Variants in GALNT12 observed in about 807,000 individuals in gnomAD.
GALNT12 encodes polypeptide N-acetylgalactosaminyltransferase 12.
GALNT12 carries 45 observed loss-of-function variants against 55.5 expected under a neutral mutation model. The observed-to-expected ratio is 0.81, with a 90% CI of 0.64 to 1.04. GALNT12 has a LOEUF of 1.04. Among genes scored for constraint, GALNT12 ranks in the 50% least tolerant of loss-of-function variants. The pLI is 0.00. For missense variants in GALNT12, 709 were observed against 754.8 expected (o/e 0.94, Z 0.71); for synonymous variants, 304 against 312.2 (o/e 0.97, Z 0.28).
At chr9:98,834,321 A>G (rs981102381) in intron 4 of GALNT12, among the ~76,000 whole-genome samples, 1 of 152,064 alleles carries the variant, frequency 6.6e-6, no homozygotes, top group African/African-American at 2.4e-5. Context: ...GGTTTTCGCC[A>G]TATTAACCAG....
chr9:98,808,095 G>A, intron 1 of GALNT12, 26 bp downstream of exon 1: 1 of 1,540,794 alleles, frequency 6.5e-7, no homozygotes. Context: ...TGGGGAGGAA[G>A]CCCGCCCTCA....
intron 1 of GALNT12, among the ~76,000 whole-genome samples, chr9:98,811,496 A>G (rs1056156042): frequency 2.0e-5 from 3 of 152,134 alleles, no homozygotes; most frequent in African/African-American, 7.2e-5. Flanking sequence ...GGAATCCCAT[A>G]TGTGTGAACA....
At chr9:98,821,255 C>T (rs7846846) in intron 1 of GALNT12, among the ~76,000 whole-genome samples, 141,573 of 151,968 alleles carry the variant, frequency 0.93, 66,226 homozygotes, top group Non-Finnish European at 0.97. Context: ...AGTGATCTGC[C>T]GGCCTCAGCC....
rs768255136 is a variant in GALNT12 at position 98,823,388 on chromosome 9, A to G, written c.504A>G (p.Leu168=). Residue 168 remains leucine (L), a synonymous_variant, in exon 2 of 10, where the codon CTA becomes CTG. Transcript: ENST00000375011. ...SVLETSPDIL[L]EEVILVDDYS... Reference sequence around the variant, plus strand: ...TTGAGACATCCCCGGATATCCTGCTAGAAGAAGTGATCCTTGTAGATGACT... The same window carrying G: ...TTGAGACATCCCCGGATATCCTGCTGGAAGAAGTGATCCTTGTAGATGACT... 12 of 1,614,030 alleles carry G rather than the reference A, an allele frequency of 7.4e-6. No homozygotes were observed. The African/African-American group carries it at 1.3e-4, about 18-fold the overall frequency.
Position 98,807,980 on chromosome 9 carries a change from G to A in GALNT12, c.282G>A (p.Gln94=), listed in dbSNP as rs1276325193. The A allele has an allele frequency of 6.6e-7, 1 of 1,515,972 alleles. No individual in the cohort carries two copies. Among genetic ancestry groups the A allele is most frequent in the Non-Finnish European group, 8.8e-7 (1 of 1,133,880 alleles). The allele number at this position is 1,515,972 out of a possible 1,614,324, so 93.9% of individuals were successfully genotyped here. The change falls in exon 1 of 10, where the codon CAG becomes CAA. Residue 94 remains glutamine, a synonymous_variant. Transcript: ENST00000375011. ...TGCAGGGCGAGGAGCTGCGGCTGCA[G>A]GAGGAGAGCGTGCGGCTGCACCAGA... ...LQLQGEELRL[Q]EESVRLHQIN... is the part of the protein sequence containing the mutation.
In GALNT12 at chr9:98,831,770, A is replaced by G. The variant is rs1588449802; in HGVS notation, c.732-2A>G. ...ACGGATGGATGTCTTGGGTGCTTTC[A>G]GGATCCATGAAGAGGAGTCGGCAGT... On this transcript the variant is annotated splice_acceptor_variant, in intron 3 of 9. Coordinates refer to ENST00000375011, the MANE Select transcript of GALNT12 (RefSeq NM_024642.5). LOFTEE classifies it high-confidence loss of function. 8 of 1,614,176 alleles carry G rather than the reference A, an allele frequency of 5.0e-6. No individual in the cohort carries two copies. The highest frequency in any genetic ancestry group is 1.3e-5 in the African/African-American group (1 of 75,038).
chr9:98,842,272 C>G (rs2118482969), intron 7 of GALNT12, among the ~76,000 whole-genome samples: 1 of 152,236 alleles, frequency 6.6e-6, no homozygotes, highest in South Asian at 2.1e-4. Context: ...TAGCCTGGAT[C>G]ACTGGGCTCA....
chr9:98,822,055 A>G (rs1835754721), intron 1 of GALNT12, among the ~76,000 whole-genome samples: 1 of 152,208 alleles, frequency 6.6e-6, no homozygotes, highest in South Asian at 2.1e-4. Context: ...TATGGTAGAC[A>G]GCAGATGTCA....
chr9:98,847,805 C>G (rs1402160273), intron 9 of GALNT12, among the ~76,000 whole-genome samples: 1 of 145,344 alleles, frequency 6.9e-6, no homozygotes, highest in African/African-American at 2.6e-5. Context: ...GTTCTTAGGG[C>G]TGGATCTTTT....
intron 1 of GALNT12, among the ~76,000 whole-genome samples, chr9:98,809,230 C>G (rs1320564339): frequency 6.6e-6 from 1 of 152,336 alleles, no homozygotes; most frequent in Non-Finnish European, 1.5e-5. Context: ...CCACCTCTGC[C>G]CCACTGTTTC....
chr9:98,814,411 AAAG>A (rs1407947348), intron 1 of GALNT12, among the ~76,000 whole-genome samples: 87 of 152,190 alleles, frequency 5.7e-4, no homozygotes, highest in African/African-American at 2.0e-3. Flanking sequence ...TATAAAGATA[AAAG>A]AAGATCAGGA....
intron 1 of GALNT12, among the ~76,000 whole-genome samples, chr9:98,817,016 C>G (rs1026413638): frequency 6.6e-6 from 1 of 151,946 alleles, no homozygotes; most frequent in Non-Finnish European, 1.5e-5. Flanking sequence ...TTAGTAGAGA[C>G]GGGGTTTCAC....
intron 6 of GALNT12, among the ~76,000 whole-genome samples, chr9:98,839,082 CTT>C (rs1435794868): frequency 2.0e-5 from 3 of 152,182 alleles, no homozygotes; most frequent in Non-Finnish European, 4.4e-5. Flanking sequence ...AACACCCACT[CTT>C]TCCTCATGCA....
chr9:98,834,817 T>C (rs910715554), intron 4 of GALNT12, among the ~76,000 whole-genome samples: 10 of 152,218 alleles, frequency 6.6e-5, no homozygotes, highest in Admixed American at 2.0e-4. Context: ...TTGCTCTCTA[T>C]GCTTCTAAAT....
chr9:98,844,188 T>G lies in GALNT12; in HGVS notation c.1437T>G (p.Cys479Trp). 1.2e-6 allele frequency: 2 copies of G among 1,611,790 alleles called. No individual in the cohort carries two copies. Among genetic ancestry groups the G allele is most frequent in the Non-Finnish European group, 1.7e-6 (2 of 1,177,810 alleles). ...GACACCAGGTCATTCTGTACCTCTGTCATGGGATGGGCCAGAATCAGGTAG... is the reference window on the plus strand; with the variant it reads ...GACACCAGGTCATTCTGTACCTCTGGCATGGGATGGGCCAGAATCAGGTAG... ...IVGHQVILYL[C>W]HGMGQNQFFE... The change falls in exon 8 of 10, where the codon TGT (cysteine) becomes TGG (tryptophan). Residue 479 changes from cysteine (C) to tryptophan (W), a missense_variant. Cys to Trp is a radical substitution (Grantham distance 215). Around this residue, in one of 5 missense-constraint regions of GALNT12, gnomAD observed 262 missense variants for 310.7 expected, o/e 0.84. Transcript: ENST00000375011.
intron 1 of GALNT12, among the ~76,000 whole-genome samples, chr9:98,814,808 T>C (rs2118299259): frequency 6.6e-6 from 1 of 152,336 alleles, no homozygotes; most frequent in Middle Eastern, 3.4e-3. Flanking sequence ...AGTAGGGTTG[T>C]TAGGAAGGCT....
At chr9:98,829,988 G>A (rs1047505873) in intron 3 of GALNT12, among the ~76,000 whole-genome samples, 17 of 152,180 alleles carry the variant, frequency 1.1e-4, no homozygotes, top group African/African-American at 3.9e-4. Flanking sequence ...GGATATGTAC[G>A]TAGGAGTAGA....
intron 1 of GALNT12, among the ~76,000 whole-genome samples, chr9:98,814,861 T>C (rs1462778026): frequency 1.3e-5 from 2 of 152,222 alleles, no homozygotes. Context: ...GTGCCTCTCC[T>C]GTATTAAGCA....
chr9:98,827,042 G>A, intron 3 of GALNT12, 101 bp downstream of exon 3: 1 of 1,249,174 alleles, frequency 8.0e-7, no homozygotes, highest in Non-Finnish European at 1.1e-6. Flanking sequence ...GGGTTGCCTG[G>A]GCTCAGCTGC....
Sources: allele counts gnomAD v4.1 joint callset (sites outside exome capture counted in the v4.1 genomes callset), GRCh38; gene constraint gnomAD v4.1.1; regional missense constraint gnomAD v4.1.1; transcripts MANE v1.5; gene names NCBI Gene and HGNC (gene_info 2026-07-23, HGNC 2026-07-21).